PRR12: variants seen among roughly 807,000 people sequenced by gnomAD.
PRR12 encodes proline-rich protein 12.
PRR12 carries 12 observed loss-of-function variants against 138.0 expected under a neutral mutation model. The ratio of observed to expected loss-of-function variants is 0.09; its 90% confidence interval spans 0.06 to 0.14. The LOEUF is 0.14. Ranked by LOEUF, PRR12 falls within the 10% of genes least tolerant of loss-of-function variation. The pLI, the probability that PRR12 is intolerant of heterozygous loss-of-function variation, is 1.00. For synonymous variants in PRR12, 1,567 were observed against 1,291.7 expected (o/e 1.21, Z -4.57); for missense variants, 2,692 against 2,861.3 (o/e 0.94, Z 1.35).
In PRR12 at chr19:49,601,733, C is replaced by A. The variant is rs1013621665; in HGVS notation, c.4588C>A (p.Pro1530Thr). ...CCCACTGGCTGCTCCTCCTGAGGAG[C>A]CCGCCGCCCCGTCTCCCGAAGACCC... ...AAPLAAPPEEPAAPSPEDPEL... is the reference protein window; with the variant it reads ...AAPLAAPPEETAAPSPEDPEL... The change falls in exon 6 of 14, where the codon CCC becomes ACC. Residue 1530 changes from proline to threonine, a missense_variant. Physicochemically the swap from Pro to Thr is conservative, Grantham distance 38 (BLOSUM62 -1). Transcript: ENST00000418929. 1.9e-6 allele frequency: 3 copies of A among 1,546,964 alleles called. No individual in the cohort carries two copies. Among genetic ancestry groups the A allele is most frequent in the Non-Finnish European group, 2.6e-6 (3 of 1,148,404 alleles).
Position 49,599,228 on chromosome 19 carries a change from G to T in PRR12, c.3679-44G>T. The T allele has an allele frequency of 6.7e-7, 1 of 1,500,678 alleles. No individual in the cohort carries two copies. The highest frequency in any genetic ancestry group is 8.9e-7 in the Non-Finnish European group (1 of 1,129,374). The allele number at this position is 1,500,678 out of a possible 1,614,324, so 93.0% of individuals were successfully genotyped here. A position where few individuals can be genotyped will look rare whatever the true frequency, so the allele number is the denominator to read the frequency against. On this transcript the variant is annotated intron_variant, in intron 4 of 13. Coordinates refer to ENST00000418929, the MANE Select transcript of PRR12 (RefSeq NM_020719.3). This position sits in a 1 kb window ranked among gnomAD's most constrained non-coding sequence, Gnocchi z 5.0. Reference sequence around the variant, plus strand: ...GGGCTGAGGGAGGATGGGACTGGGGGCCCAGGCTACTGGGCCCTCACGGCC... The same window carrying T: ...GGGCTGAGGGAGGATGGGACTGGGGTCCCAGGCTACTGGGCCCTCACGGCC...
At chr19:49,602,958 C>T (rs1194648656) in intron 6 of PRR12, among the ~76,000 whole-genome samples, 3 of 152,242 alleles carry the variant, frequency 2.0e-5, no homozygotes, top group Non-Finnish European at 2.9e-5. Context: ...AAACTATGGC[C>T]CCTAGGCCAA....
intron 6 of PRR12, among the ~76,000 whole-genome samples, chr19:49,607,361 G>GCGCACA (rs1555742564): frequency 5.4e-5 from 8 of 147,758 alleles, no homozygotes; most frequent in African/African-American, 2.0e-4. Context: ...ATGTACGTGT[G>GCGCACA]CACACACACA....
chr19:49,625,312 G>A lies in PRR12; in HGVS notation c.5964+112G>A, dbSNP rs2080949278. On this transcript the variant is annotated intron_variant, in intron 13 of 13. Transcript: ENST00000418929. The surrounding 1 kb of genome is among the most constrained non-coding windows in gnomAD (Gnocchi z 5.5). ...TCCTGCCTCAGACCCAAGAGTTCAG[G>A]TCCTTCTGTCTTGGACTTAAGAATG... The A allele has an allele frequency of 2.1e-6, 3 of 1,454,460 alleles. No individual in the cohort carries two copies. The African/African-American group carries it at 4.2e-5, about 20-fold the overall frequency. The allele number at this position is 1,454,460 out of a possible 1,614,324, so 90.1% of individuals were successfully genotyped here.
rs1445556446 is a variant in PRR12, at chr19:49,626,287, C to T, written c.*680C>T. 6.6e-6 allele frequency: 1 copy of T among 151,862 alleles called. No individual in the cohort carries two copies. The highest frequency in any genetic ancestry group is 1.9e-4 in the East Asian group (1 of 5,170). 9.4% of individuals were successfully genotyped at this position (151,862 alleles called of 1,614,324 possible). A position where few individuals can be genotyped will look rare whatever the true frequency, so the allele number is the denominator to read the frequency against. On this transcript the variant is annotated 3_prime_UTR_variant, in exon 14 of 14. Transcript: ENST00000418929. ...GGATGTGGTTCTATTTTTTATCGGT[C>T]TCCTTTCCCCTCCTCCCCGTTCTCG...
intron 6 of PRR12, among the ~76,000 whole-genome samples, chr19:49,608,611 C>T (rs911089272): frequency 9.2e-5 from 14 of 152,020 alleles, no homozygotes; most frequent in Admixed American, 8.5e-4. Flanking sequence ...CCTCGTGATC[C>T]GCCCGACTTA....
rs991519777 is a variant in PRR12 at position 49,601,912 on chromosome 19, C to T, written c.4767C>T (p.Ser1589=). 4.3e-6 allele frequency: 7 copies of T among 1,611,294 alleles called. No individual in the cohort carries two copies. The highest frequency in any genetic ancestry group is 5.9e-6 in the Non-Finnish European group (7 of 1,179,588). The change falls in exon 6 of 14, where the codon TCC becomes TCT. Residue 1589 remains serine, a synonymous_variant. Transcript: ENST00000418929. ...EFVIRAEDIP[S]LKLALQTGRE... ...TCATCCGTGCTGAGGACATCCCTTCCCTCAAGGTGAGTCCCAGCCTTCTCC... is the reference window on the plus strand; with the variant it reads ...TCATCCGTGCTGAGGACATCCCTTCTCTCAAGGTGAGTCCCAGCCTTCTCC...
chr19:49,603,702 A>AAATAAT (rs894068686), intron 6 of PRR12, among the ~76,000 whole-genome samples: 1 of 152,082 alleles, frequency 6.6e-6, no homozygotes, highest in African/African-American at 2.4e-5. Context: ...CATCTCGAAA[A>AAATAAT]AATAATAATA....
At chr19:49,592,075 C>T (rs978133410) in intron 1 of PRR12, among the ~76,000 whole-genome samples, 2 of 151,980 alleles carry the variant, frequency 1.3e-5, no homozygotes, top group Non-Finnish European at 2.9e-5. Flanking sequence ...CTTGGTGACC[C>T]CTCCCCCCCG....
chr19:49,618,549 G>A (rs1192743255), intron 9 of PRR12, among the ~76,000 whole-genome samples: 2 of 151,966 alleles, frequency 1.3e-5, no homozygotes, highest in Non-Finnish European at 2.9e-5. Context: ...CACCATGCCC[G>A]GCTAATTTGT....
chr19:49,611,313 G>A (rs991619069), intron 6 of PRR12, among the ~76,000 whole-genome samples: 1 of 151,570 alleles, frequency 6.6e-6, no homozygotes, highest in African/African-American at 2.4e-5. Context: ...CCTGGGTAAC[G>A]GACTGAGAGG....
chr19:49,623,619 G>A lies in PRR12; in HGVS notation c.5722-1225G>A, dbSNP rs113436265. On this transcript the variant is annotated intron_variant, in intron 11 of 13. Transcript: ENST00000418929. ...TGCACTCCAGCCTGGGCGACAGAGC[G>A]AGACTTTGTCTTAAAAAAAAAAAAA... Among the ~76,000 whole-genome samples, 654 of 150,904 alleles carry A rather than the reference G, an allele frequency of 4.3e-3. 4 individuals carry two copies. Among genetic ancestry groups the A allele is most frequent in the African/African-American group, 0.015 (636 of 41,084 alleles).
rs771544605 is a variant in PRR12 at position 49,599,282 on chromosome 19, C to T, written c.3689C>T (p.Ser1230Phe). 1.2e-6 allele frequency: 2 copies of T among 1,600,614 alleles called. No homozygotes were observed. The change falls in exon 5 of 14, where the codon TCT becomes TTT. Residue 1230 changes from serine (S) to phenylalanine (F), a missense_variant. Physicochemically the swap from Ser to Phe is radical, Grantham distance 155. Around this residue, in one of 11 missense-constraint regions of PRR12, gnomAD observed 326 missense variants for 344.2 expected, o/e 0.95. Coordinates refer to ENST00000418929, the MANE Select transcript of PRR12 (RefSeq NM_020719.3). The surrounding 1 kb of genome is among the most constrained non-coding windows in gnomAD (Gnocchi z 5.0). ...CACTCCCATGTCTAGATCAAGCTGT[C>T]TGTGCCCAAGGCTGGCGAGGGTCTG... Reference protein sequence around the residue: ...EPLKPLKIKLSVPKAGEGLGT... With the variant: ...EPLKPLKIKLFVPKAGEGLGT...
Position 49,594,420 on chromosome 19 carries a change from C to A in PRR12, c.200-34C>A. 3 of 1,522,340 alleles carry A rather than the reference C, an allele frequency of 2.0e-6. No individual in the cohort carries two copies. Among genetic ancestry groups the A allele is most frequent in the Non-Finnish European group, 2.6e-6 (3 of 1,133,632 alleles). The allele number at this position is 1,522,340 out of a possible 1,614,324, so 94.3% of individuals were successfully genotyped here. The stretch of plus-strand genomic sequence containing the variant: ...CTCTTGACTGTATCCTACCCACCCC[C>A]ACCTGGCTGACTATAACCCCTGTCC... On this transcript the variant is annotated intron_variant, in intron 2 of 13. Transcript: ENST00000418929. This position sits in a 1 kb window ranked among gnomAD's most constrained non-coding sequence, Gnocchi z 5.6.
Position 49,597,458 on chromosome 19 carries a change from CCCGCCTCCGCCA to C in PRR12, c.3129_3140del (p.Pro1046_Pro1049del), listed in dbSNP as rs2080781250. ...GCCCCCACCAGGCGGCGCCACCACC[CCCGCCTCCGCCA>C]CCGCCGCCTCCCGCGCCGGCCTCCG... On this transcript the variant is annotated inframe_deletion, in exon 4 of 14. Coordinates refer to ENST00000418929, the MANE Select transcript of PRR12 (RefSeq NM_020719.3). The surrounding 1 kb of genome is among the most constrained non-coding windows in gnomAD (Gnocchi z 6.3). The C allele has an allele frequency of 6.5e-7, 1 of 1,541,362 alleles. No individual in the cohort carries two copies. The highest frequency in any genetic ancestry group is 8.7e-7 in the Non-Finnish European group (1 of 1,146,122).
chr19:49,616,883 C>CTT lies in PRR12; in HGVS notation c.5497+666_5497+667dup, dbSNP rs1037744416. 6.6e-6 allele frequency among the ~76,000 whole-genome samples: 1 copy of CTT among 152,168 alleles called. No homozygotes were observed. Among genetic ancestry groups the CTT allele is most frequent in the African/African-American group, 2.4e-5 (1 of 41,434 alleles). On this transcript the variant is annotated intron_variant, in intron 9 of 13. Transcript: ENST00000418929. This position sits in a 1 kb window ranked among gnomAD's most constrained non-coding sequence, Gnocchi z 4.2. ...GTGGCTCGCGCCTGTAATCCCAACA[C>CTT]TTTGGGAGGCCAAGGTGGGCGGATC... is the stretch of plus-strand genomic sequence containing the variant.
At position 49,613,977 on chromosome 19, in the gene PRR12, G is replaced by A. The variant is rs186703568; in HGVS notation, c.4774-556G>A. On this transcript the variant is annotated intron_variant, in intron 6 of 13. Coordinates refer to ENST00000418929, the MANE Select transcript of PRR12 (RefSeq NM_020719.3). ...TACAAAATTAGTCGGGTGTGGTGGCGCATGCCTGTAATTCCAGTGTCTCAG... is the reference window on the plus strand; with the variant it reads ...TACAAAATTAGTCGGGTGTGGTGGCACATGCCTGTAATTCCAGTGTCTCAG... Among the ~76,000 whole-genome samples the A allele has an allele frequency of 3.0e-3, 459 of 152,202 alleles. 3 individuals are homozygous for A. Among genetic ancestry groups the A allele is most frequent in the Non-Finnish European group, 4.3e-3 (293 of 68,008 alleles).
chr19:49,597,903 G>A lies in PRR12; in HGVS notation c.3568G>A (p.Ala1190Thr). 2 of 1,412,190 alleles carry A rather than the reference G, an allele frequency of 1.4e-6. No individual in the cohort carries two copies. Among genetic ancestry groups the A allele is most frequent in the Non-Finnish European group, 1.8e-6 (2 of 1,087,116 alleles). 87.5% of individuals were successfully genotyped at this position (1,412,190 alleles called of 1,614,324 possible). ...CCCGACCACTGCGGGGCCCGCCTCG[G>A]CCTCCACGCCCACCGATGGCGCCAA... ...EVPTTAGPAS[A>T]STPTDGAKKP... The change falls in exon 4 of 14, where the codon GCC becomes ACC. Residue 1190 changes from alanine to threonine, a missense_variant. Physicochemically the swap from Ala to Thr is moderately conservative, Grantham distance 58. This residue lies in a region of PRR12 where 326 missense variants were observed against 344.2 expected (regional missense o/e 0.95). Coordinates refer to ENST00000418929, the MANE Select transcript of PRR12 (RefSeq NM_020719.3). This position sits in a 1 kb window ranked among gnomAD's most constrained non-coding sequence, Gnocchi z 6.3.
At chr19:49,607,683 G>A (rs1219857506) in intron 6 of PRR12, among the ~76,000 whole-genome samples, 2 of 151,202 alleles carry the variant, frequency 1.3e-5, no homozygotes, top group African/African-American at 4.9e-5. Context: ...ACTCCAATCT[G>A]GGTGACAGAG....
Sources: allele counts gnomAD v4.1 joint callset (sites outside exome capture counted in the v4.1 genomes callset), GRCh38; gene constraint gnomAD v4.1.1; regional missense constraint gnomAD v4.1.1; non-coding constraint Gnocchi (gnomAD v3.1); transcripts MANE v1.5; gene names NCBI Gene and HGNC (gene_info 2026-07-23, HGNC 2026-07-21).